ACER1: variants seen among roughly 807,000 people sequenced by gnomAD.
ACER1 encodes the protein CTB-180A7.3.
ACER1 carries 28 observed loss-of-function variants against 24.9 expected under a neutral mutation model. That is an observed-to-expected ratio of 1.13 (90% CI 0.83 to 1.54). ACER1 has a LOEUF of 1.54. Ranked by LOEUF, ACER1 falls within the 40% of genes most tolerant of loss-of-function variation. The pLI, the probability that ACER1 is intolerant of heterozygous loss-of-function variation, is 0.00. For missense variants in ACER1, 352 were observed against 349.3 expected (o/e 1.01, Z -0.06); for synonymous variants, 132 against 131.4 (o/e 1.00, Z -0.03).
chr19:6,334,136 C>T (rs368882433), upstream of ACER1, among the ~76,000 whole-genome samples: 66 of 152,044 alleles, frequency 4.3e-4, no homozygotes, highest in African/African-American at 1.5e-3. Flanking sequence ...GCTCTGCCTC[C>T]CGTGTTCACG....
intron 1 of ACER1, among the ~76,000 whole-genome samples, chr19:6,331,770 G>A (rs1307484939): frequency 6.6e-6 from 1 of 151,190 alleles, no homozygotes; most frequent in Non-Finnish European, 1.5e-5. Context: ...TTCCAGCCTA[G>A]GTGACAAAGC....
chr19:6,343,614 G>A, the ACER1 span: 1 of 152,742 alleles, frequency 6.5e-6, no homozygotes, highest in Admixed American at 6.5e-5. Context: ...CTCAACATGT[G>A]GCCTCCACTA....
At chr19:6,355,221 T>G in the ACER1 span, among the ~76,000 whole-genome samples, 7 of 151,502 alleles carry the variant, frequency 4.6e-5, no homozygotes, top group African/African-American at 1.7e-4. Context: ...AGTGCCGAGA[T>G]TGCAGCCTCT....
At chr19:6,337,757 G>C (rs1402101002), upstream of ACER1, among the ~76,000 whole-genome samples, 16 of 129,000 alleles carry the variant, frequency 1.2e-4, no homozygotes, top group East Asian at 4.2e-3. Flanking sequence ...CTCACTGCAA[G>C]CTCCGCCTCC....
the ACER1 span, among the ~76,000 whole-genome samples, chr19:6,356,443 G>T: frequency 2.0e-5 from 3 of 149,114 alleles, no homozygotes; most frequent in Non-Finnish European, 4.4e-5. Context: ...ATCCCCCTCT[G>T]CGAGAAACAC....
chr19:6,331,587 A>T (rs2091687469), intron 1 of ACER1, among the ~76,000 whole-genome samples: 1 of 151,482 alleles, frequency 6.6e-6, no homozygotes, highest in East Asian at 2.0e-4. Flanking sequence ...TGAGGTCGGG[A>T]GTTCAAGACC....
intron 1 of ACER1, among the ~76,000 whole-genome samples, chr19:6,316,203 G>A (rs1423521786): frequency 3.3e-5 from 5 of 152,212 alleles, no homozygotes; most frequent in Non-Finnish European, 7.3e-5. Context: ...GGAGGCTGAG[G>A]CAGGAGAATT....
the ACER1 span, among the ~76,000 whole-genome samples, chr19:6,340,291 AGAAGGAAGGAAGGAAGGAAG>A: frequency 0.19 from 16,538 of 85,718 alleles, 2,622 homozygotes; most frequent in East Asian, 0.22. Flanking sequence ...AAAAAAAGAA[AGAAGGAAGGAAGGAAGGAAG>A]GAAGGAAGGA....
At chr19:6,337,461 C>CT (rs35503813), upstream of ACER1, among the ~76,000 whole-genome samples, 2,049 of 138,842 alleles carry the variant, frequency 0.015, 15 homozygotes, top group African/African-American at 0.019. Context: ...CTTTTTTTTT[C>CT]TTTTTTTTTT....
At chr19:6,327,906 C>T (rs1431038514) in intron 1 of ACER1, among the ~76,000 whole-genome samples, 1 of 151,402 alleles carries the variant, frequency 6.6e-6, no homozygotes, top group Non-Finnish European at 1.5e-5. Context: ...GAAACCCCAT[C>T]TCTACTAAAA....
chr19:6,329,275 G>C (rs961050653), intron 1 of ACER1, among the ~76,000 whole-genome samples: 1 of 152,108 alleles, frequency 6.6e-6, no homozygotes, highest in Non-Finnish European at 1.5e-5. Context: ...TTTTGGAGGA[G>C]AAGGTCTTGG....
At chr19:6,339,147 G>T in the ACER1 span, among the ~76,000 whole-genome samples, 30,606 of 150,874 alleles carry the variant, frequency 0.2, 4,239 homozygotes, top group East Asian at 0.38. Flanking sequence ...AAAGTGCTGA[G>T]ATTACAGGCA....
intron 3 of ACER1, among the ~76,000 whole-genome samples, 184 bp from the exon 4 acceptor site, chr19:6,310,018 T>C (rs1461156483): frequency 6.6e-6 from 1 of 151,914 alleles, no homozygotes; most frequent in African/African-American, 2.4e-5. Context: ...TCCCAGCACC[T>C]TGGGAGGCTG....
chr19:6,354,601 G>GT, the ACER1 span, among the ~76,000 whole-genome samples: 2 of 152,172 alleles, frequency 1.3e-5, no homozygotes, highest in African/African-American at 4.8e-5. Flanking sequence ...TGTAAGATAT[G>GT]TTTCTCCTTG....
upstream of ACER1, among the ~76,000 whole-genome samples, chr19:6,337,436 G>A (rs1199793079): frequency 6.6e-6 from 1 of 151,074 alleles, no homozygotes. Context: ...ATTCACGGTA[G>A]GGTTACAAAG....
chr19:6,345,528 T>A, the ACER1 span, among the ~76,000 whole-genome samples: 1 of 150,986 alleles, frequency 6.6e-6, no homozygotes, highest in Non-Finnish European at 1.5e-5. Context: ...CAGCTGGGGG[T>A]GATGGGAGAC....
chr19:6,338,321 T>C (rs1460246098), upstream of ACER1, among the ~76,000 whole-genome samples: 1 of 152,078 alleles, frequency 6.6e-6, no homozygotes, highest in Non-Finnish European at 1.5e-5. Flanking sequence ...ACAATTGTGG[T>C]TGTGTTTGCA....
chr19:6,312,795 A>C (rs945358881), intron 1 of ACER1, among the ~76,000 whole-genome samples: 8 of 149,854 alleles, frequency 5.3e-5, no homozygotes, highest in Non-Finnish European at 1.0e-4. Context: ...CCTGTCTCAG[A>C]CTCCCGAGTA....
intron 1 of ACER1, among the ~76,000 whole-genome samples, chr19:6,326,427 A>AT (rs553349790): frequency 2.3e-4 from 34 of 146,016 alleles, no homozygotes; most frequent in African/African-American, 3.8e-4. Flanking sequence ...CGCCCGGCCT[A>AT]TTTTTTTTTT....
Sources: gnomAD v4.1 joint callset for allele counts (sites outside exome capture counted in the v4.1 genomes callset) on GRCh38, gnomAD v4.1.1 for gene constraint, MANE v1.5 for transcripts, NCBI Gene and HGNC (gene_info 2026-07-23, HGNC 2026-07-21) for gene names.